Variants in TRAP1 observed in about 807,000 individuals in gnomAD.
TRAP1 encodes heat shock protein 75 kDa, mitochondrial.
In TRAP1, 102 loss-of-function variants were observed where a neutral mutation model predicts 89.1. The observed-to-expected ratio is 1.15, with a 90% CI of 0.98 to 1.35. TRAP1 has a LOEUF of 1.35. Ranked by LOEUF, TRAP1 falls within the 40% of genes most tolerant of loss-of-function variation. The probability of loss-of-function intolerance (pLI) is 0.00; values close to 1 mark genes in which losing one functional copy is unlikely to be tolerated. For synonymous variants in TRAP1, 508 were observed against 388.0 expected (o/e 1.31, Z -3.64); for missense variants, 1,256 against 945.3 (o/e 1.33, Z -4.31).
At position 3,664,377 on chromosome 16, in the gene TRAP1, C is replaced by T. The variant is rs149684919; in HGVS notation, c.1466G>A (p.Arg489His). 124 of 1,612,242 alleles carry T rather than the reference C, an allele frequency of 7.7e-5. 2 individuals carry two copies. Among genetic ancestry groups the T allele is most frequent in the Admixed American group, 1.2e-4 (7 of 59,738 alleles). Residue 489 changes from arginine (R) to histidine (H), a missense_variant, in exon 13 of 18, where the codon CGC (arginine) becomes CAC (histidine). Coordinates refer to ENST00000246957, the MANE Select transcript of TRAP1 (RefSeq NM_016292.3). ...GATGTTGCGGGTGCCGGCCCGCATG[C>T]GGCTGGCGTATTCTGAGAGGCTGGT... ...QLTSLSEYAS[R>H]MRAGTRNIYY...
intron 1 of TRAP1, among the ~76,000 whole-genome samples, chr16:3,698,826 C>T (rs2051326292): frequency 6.6e-6 from 1 of 151,630 alleles, no homozygotes; most frequent in African/African-American, 2.4e-5. Context: ...GCAGAGGTTG[C>T]AGTGAGCCAA....
intron 1 of TRAP1, chr16:3,710,242 A>AT (rs1234746107): frequency 6.6e-6 from 1 of 152,236 alleles, no homozygotes; most frequent in East Asian, 1.9e-4. Context: ...TACTGGCCCC[A>AT]TATGAAATCC....
intron 9 of TRAP1, among the ~76,000 whole-genome samples, chr16:3,673,830 G>C (rs1477634260): frequency 2.6e-5 from 4 of 151,274 alleles, no homozygotes; most frequent in Admixed American, 6.6e-5. Flanking sequence ...AACCAGGGGA[G>C]GTGGAGGGTG....
chr16:3,674,026 C>G (rs1017476254), intron 9 of TRAP1, among the ~76,000 whole-genome samples: 3 of 152,218 alleles, frequency 2.0e-5, no homozygotes, highest in Non-Finnish European at 4.4e-5. Context: ...CCTTCCCTCG[C>G]CATGTGTGAC....
chr16:3,685,463 C>T (rs534286025), intron 4 of TRAP1, among the ~76,000 whole-genome samples: 4 of 152,072 alleles, frequency 2.6e-5, no homozygotes, highest in African/African-American at 9.7e-5. Flanking sequence ...GTCTGTCCAC[C>T]TCTCCACAGA....
intron 1 of TRAP1, among the ~76,000 whole-genome samples, chr16:3,704,918 A>C (rs1030173636): frequency 6.6e-6 from 1 of 152,192 alleles, no homozygotes; most frequent in African/African-American, 2.4e-5. Context: ...CATAGAAGTA[A>C]AAATAAAAGC....
chr16:3,674,826 C>T (rs376059879), intron 8 of TRAP1: 232 of 385,798 alleles, frequency 6.0e-4, no homozygotes, highest in Middle Eastern at 7.6e-4. Flanking sequence ...TGACGACCCA[C>T]GCTGCACCGC....
At chr16:3,667,626 AAAATAAATAAAT>A (rs772073639) in intron 11 of TRAP1, among the ~76,000 whole-genome samples, 3 of 151,400 alleles carry the variant, frequency 2.0e-5, no homozygotes, top group Admixed American at 1.3e-4. Context: ...CTCCATCTCA[AAAATAAATAAAT>A]AAATAAATAA....
intron 3 of TRAP1, 85 bp from the exon 4 acceptor site, chr16:3,686,221 G>A: frequency 6.8e-7 from 1 of 1,466,776 alleles, no homozygotes; most frequent in Non-Finnish European, 9.4e-7. Flanking sequence ...TCCAATAACT[G>A]TTAAAAGGTA....
chr16:3,690,944 C>A lies in TRAP1; in HGVS notation c.130G>T (p.Gly44Cys), dbSNP rs776829511. The A allele has an allele frequency of 6.3e-7, 1 of 1,579,594 alleles. No individual in the cohort carries two copies. Among genetic ancestry groups the A allele is most frequent in the Admixed American group, 1.9e-5 (1 of 53,888 alleles). Reference protein sequence around the residue: ...LCPRRTTAQLGPRRNPAWSLQ... With the variant: ...LCPRRTTAQLCPRRNPAWSLQ... ...CTCCAGGCTGGGTTTCGCCTGGGGCCCAACTGGGCTGTGGTCCTCCGAGGA... is the reference window on the plus strand; with the variant it reads ...CTCCAGGCTGGGTTTCGCCTGGGGCACAACTGGGCTGTGGTCCTCCGAGGA... The change falls in exon 2 of 18, where the codon GGC (glycine) becomes TGC (cysteine). Residue 44 changes from glycine to cysteine, a missense_variant. Transcript: ENST00000246957.
At chr16:3,713,247 G>A (rs1469121958) in intron 1 of TRAP1, among the ~76,000 whole-genome samples, 1 of 152,168 alleles carries the variant, frequency 6.6e-6, no homozygotes, top group African/African-American at 2.4e-5. Flanking sequence ...AAACAGCACA[G>A]GCTCCAAACA....
rs748872582 is a variant in TRAP1, at chr16:3,666,026, T to C, written c.1328A>G (p.Asp443Gly). 6.2e-7 allele frequency: 1 copy of C among 1,614,192 alleles called. No individual in the cohort carries two copies. The highest frequency in any genetic ancestry group is 1.1e-5 in the South Asian group (1 of 91,084). The change falls in exon 12 of 18, where the codon GAT (aspartate) becomes GGT (glycine). Residue 443 changes from aspartate (D) to glycine (G), a missense_variant. Asp to Gly is a moderately conservative substitution (Grantham distance 94, BLOSUM62 -1). Coordinates refer to ENST00000246957, the MANE Select transcript of TRAP1 (RefSeq NM_016292.3). The stretch of plus-strand genomic sequence containing the variant: ...GCCCTCCCGCATGAACAGGCCGTAA[T>C]CTTCAAAAAACTTTGCATACTTCTC... ...DAEKYAKFFE[D>G]YGLFMREGIV...
chr16:3,682,387 CAAA>C (rs569995327), intron 4 of TRAP1, among the ~76,000 whole-genome samples: 6 of 78,368 alleles, frequency 7.7e-5, no homozygotes, highest in East Asian at 3.4e-4. Flanking sequence ...CCTGCCTCTA[CAAA>C]AAAAAAAAAA....
At position 3,677,620 on chromosome 16, in the gene TRAP1, GC is replaced by G; in HGVS notation, c.581del (p.Ser194ThrfsTer64). Reference sequence around the variant, plus strand: ...CTCCAAACTGGCCGATGATCTTGCTGCTGGCCTCAGCCTGGTTCTGCAGAGC... The same window carrying G: ...CTCCAAACTGGCCGATGATCTTGCTGTGGCCTCAGCCTGGTTCTGCAGAGC... ...LDALQNQAEA[S>X]SKIIGQFGVG... On this transcript the variant is annotated frameshift_variant, in exon 6 of 18. Transcript: ENST00000246957. LOFTEE classifies it high-confidence loss of function. The G allele has an allele frequency of 6.2e-7, 1 of 1,614,104 alleles. No homozygotes were observed. The highest frequency in any genetic ancestry group is 8.5e-7 in the Non-Finnish European group (1 of 1,180,022).
intron 13 of TRAP1, 55 bp from the exon 14 acceptor site, chr16:3,663,617 G>T: frequency 6.2e-7 from 1 of 1,607,236 alleles, no homozygotes; most frequent in East Asian, 2.2e-5. Flanking sequence ...AGCCACCACA[G>T]AAGAAAGGAT....
Position 3,686,148 on chromosome 16 carries a change from G to A in TRAP1, c.331-12C>T. 1.2e-6 allele frequency: 2 copies of A among 1,613,140 alleles called. No homozygotes were observed. Among genetic ancestry groups the A allele is most frequent in the Admixed American group, 1.7e-5 (1 of 59,966 alleles). On this transcript the variant is annotated splice_polypyrimidine_tract_variant and intron_variant, in intron 3 of 17. Coordinates refer to ENST00000246957, the MANE Select transcript of TRAP1 (RefSeq NM_016292.3). ...TCCCGTATAAACACCTACAGGAATA[G>A]AAATGGGAGGCACAGACAATGAAGG... is the stretch of plus-strand genomic sequence containing the variant.
intron 4 of TRAP1, among the ~76,000 whole-genome samples, chr16:3,684,168 C>A (rs1276714320): frequency 2.6e-5 from 4 of 152,000 alleles, no homozygotes; most frequent in African/African-American, 9.7e-5. Flanking sequence ...GAGACTCTGT[C>A]TCAAACAAAA....
chr16:3,699,349 T>A (rs2051333443), intron 1 of TRAP1, among the ~76,000 whole-genome samples: 1 of 152,160 alleles, frequency 6.6e-6, no homozygotes. Flanking sequence ...TAAAAAAATT[T>A]TATACTGGCC....
chr16:3,662,231 G>A, intron 15 of TRAP1, 99 bp from the exon 16 acceptor site: 1 of 1,452,742 alleles, frequency 6.9e-7, no homozygotes, highest in South Asian at 1.3e-5. Flanking sequence ...CCACGAGGTA[G>A]CAGGCGGGGT....
Sources: gnomAD v4.1 joint callset for allele counts (sites outside exome capture counted in the v4.1 genomes callset) on GRCh38, gnomAD v4.1.1 for gene constraint, MANE v1.5 for transcripts, NCBI Gene and HGNC (gene_info 2026-07-23, HGNC 2026-07-21) for gene names.